The following MBTD1 variants were observed in gnomAD, a reference collection of about 807,000 sequenced individuals.
MBTD1 encodes the protein mbt domain containing 1.
A neutral mutation model predicts 87.8 loss-of-function variants in MBTD1; 24 were observed. The observed-to-expected ratio is 0.27, with a 90% CI of 0.20 to 0.38. MBTD1 has a LOEUF of 0.38. Ranked by LOEUF, MBTD1 falls within the 10% of genes least tolerant of loss-of-function variation. MBTD1 has a pLI of 1.00. For synonymous variants in MBTD1, 237 were observed against 248.6 expected, an observed-to-expected ratio of 0.95 and a Z score of 0.44; for missense variants, 436 against 760.2, an observed-to-expected ratio of 0.57 and a Z score of 5.02.
At chr17:51,252,594 T>C (rs796543663) in intron 2 of MBTD1, among the ~76,000 whole-genome samples, 5 of 151,586 alleles carry the variant, frequency 3.3e-5, no homozygotes, top group African/African-American at 1.2e-4. Context: ...AAATCAGCCA[T>C]GTGTGGTGGT....
At chr17:51,215,615 C>T (rs909359049) in intron 6 of MBTD1, among the ~76,000 whole-genome samples, 1 of 152,120 alleles carries the variant, frequency 6.6e-6, no homozygotes, top group Non-Finnish European at 1.5e-5. Flanking sequence ...TAAAGATTTT[C>T]TTTTTAAAGA....
intron 2 of MBTD1, among the ~76,000 whole-genome samples, chr17:51,227,866 C>T (rs568152812): frequency 1.3e-4 from 20 of 151,358 alleles, no homozygotes; most frequent in African/African-American, 4.6e-4. Flanking sequence ...GCACGAGAAT[C>T]GCTTGAACCC....
At chr17:51,235,245 C>T (rs567067019) in intron 2 of MBTD1, among the ~76,000 whole-genome samples, 4 of 152,112 alleles carry the variant, frequency 2.6e-5, no homozygotes, top group East Asian at 1.9e-4. Flanking sequence ...AAGCTATTCT[C>T]GTGCCTTAGC....
At chr17:51,193,621 A>C in intron 13 of MBTD1, 111 bp from the exon 14 acceptor site, 1 of 679,604 alleles carries the variant, frequency 1.5e-6, no homozygotes, top group Non-Finnish European at 2.6e-6. Flanking sequence ...TTATATGATC[A>C]ACTTTATTTT....
At chr17:51,186,187 C>A (rs1242336032) in intron 16 of MBTD1, 1 of 152,666 alleles carries the variant, frequency 6.6e-6, no homozygotes, top group Non-Finnish European at 1.5e-5. Flanking sequence ...GACAAACTGA[C>A]AGGCTTCTTC....
At chr17:51,252,975 A>G (rs1344846263) in intron 2 of MBTD1, among the ~76,000 whole-genome samples, 1 of 151,982 alleles carries the variant, frequency 6.6e-6, no homozygotes, top group Admixed American at 6.6e-5. Flanking sequence ...GAAAGCTAAA[A>G]GAATGAAAGC....
Position 51,180,515 on chromosome 17 carries a change from T to C in MBTD1, c.*61A>G, listed in dbSNP as rs576580745. On this transcript the variant is annotated 3_prime_UTR_variant, in exon 17 of 17. Coordinates refer to ENST00000586178, the MANE Select transcript of MBTD1 (RefSeq NM_017643.3). ...TAGAGTAGCCCCCTGTACAGCTGGA[T>C]TGATTATAAATCAGTCCTGTGTAAA... The C allele has an allele frequency of 6.0e-4, 465 of 771,614 alleles. 1 individual carries two copies. Among genetic ancestry groups the C allele is most frequent in the South Asian group, 1.5e-3 (94 of 62,952 alleles). 47.8% of individuals were successfully genotyped at this position (771,614 alleles called of 1,614,324 possible). A position where few individuals can be genotyped will look rare whatever the true frequency, so the allele number is the denominator to read the frequency against.
chr17:51,260,902 G>A (rs1427398148), upstream of MBTD1: 5 of 1,593,324 alleles, frequency 3.1e-6, no homozygotes, highest in Non-Finnish European at 2.6e-6. Context: ...AGGACGCGTT[G>A]CTGCGGCGTC....
intron 2 of MBTD1, among the ~76,000 whole-genome samples, chr17:51,246,793 A>G (rs1231255671): frequency 6.7e-6 from 1 of 150,094 alleles, no homozygotes; most frequent in Admixed American, 6.6e-5. Context: ...GTATCACCAC[A>G]CCCAGATAAT....
rs2050215536 is a variant in MBTD1 at position 51,179,500 on chromosome 17, A to ATATATATATT, written c.*1075_*1076insAATATATATA. On this transcript the variant is annotated 3_prime_UTR_variant, in exon 17 of 17. Transcript: ENST00000586178. ...AAGACAATTTTATATATATATATAT[A>ATATATATATT]TATATATATATATATATATATATAT... The ATATATATATT allele has an allele frequency of 5.1e-5, 3 of 58,524 alleles. No homozygotes were observed. Among genetic ancestry groups the ATATATATATT allele is most frequent in the South Asian group, 9.6e-4 (2 of 2,084 alleles). 3.6% of individuals were successfully genotyped at this position (58,524 alleles called of 1,614,324 possible).
intron 5 of MBTD1, among the ~76,000 whole-genome samples, chr17:51,218,519 A>C: frequency 2.3e-5 from 3 of 129,700 alleles, no homozygotes; most frequent in East Asian, 2.3e-4. Context: ...ACAGAGCAAG[A>C]CTCTGTCTCC....
intron 16 of MBTD1, chr17:51,186,104 TC>T (rs1423787578): frequency 1.6e-4 from 25 of 152,596 alleles, no homozygotes; most frequent in Non-Finnish European, 1.3e-4. Flanking sequence ...CTGGAAGGGT[TC>T]GATATGGAGG....
At chr17:51,239,099 CAA>C (rs60345239) in intron 2 of MBTD1, among the ~76,000 whole-genome samples, 1,545 of 142,048 alleles carry the variant, frequency 0.011, 25 homozygotes, top group African/African-American at 0.036. Context: ...GTCTCCATCT[CAA>C]AAAAAAAAAA....
At chr17:51,258,530 G>A (rs573916906) in intron 2 of MBTD1, among the ~76,000 whole-genome samples, 7 of 150,970 alleles carry the variant, frequency 4.6e-5, no homozygotes, top group Non-Finnish European at 8.9e-5. Context: ...AGGAGTAAAA[G>A]CATTTGGAAG....
chr17:51,260,880 T>A (rs767654333), upstream of MBTD1: 1 of 1,600,598 alleles, frequency 6.2e-7, no homozygotes, highest in Admixed American at 1.7e-5. Flanking sequence ...TTCGGCGACG[T>A]CGAGAACGAC....
At chr17:51,206,674 T>C (rs1296067427) in intron 7 of MBTD1, among the ~76,000 whole-genome samples, 1 of 152,182 alleles carries the variant, frequency 6.6e-6, no homozygotes, top group Non-Finnish European at 1.5e-5. Context: ...CATGCTATAA[T>C]GATAGAGACG....
chr17:51,257,881 C>T lies in MBTD1; in HGVS notation c.-49+1262G>A, dbSNP rs759092300. The stretch of plus-strand genomic sequence containing the variant: ...ATGGTTAAAAAGCATGACGCAACAA[C>T]GTAAGGCACTATGAATAAATACTTA... On this transcript the variant is annotated intron_variant, in intron 2 of 16. Coordinates refer to ENST00000586178, the MANE Select transcript of MBTD1 (RefSeq NM_017643.3). Among the ~76,000 whole-genome samples, 3 of 151,912 alleles carry T rather than the reference C, an allele frequency of 2.0e-5. No individual in the cohort carries two copies. The East Asian group carries it at 5.8e-4, about 29-fold the overall frequency.
Position 51,245,182 on chromosome 17 carries a change from G to A in MBTD1, c.-49+13961C>T, listed in dbSNP as rs560975590. On this transcript the variant is annotated intron_variant, in intron 2 of 16. Coordinates refer to ENST00000586178, the MANE Select transcript of MBTD1 (RefSeq NM_017643.3). ...CCCAAAGTGCTGGGATTACAGGCAT[G>A]AGCCACTGTGCCCGGCCCTAGAGGA... 1.1e-3 allele frequency among the ~76,000 whole-genome samples: 171 copies of A among 152,330 alleles called. 1 individual carries two copies. The highest frequency in any genetic ancestry group is 3.7e-3 in the African/African-American group (152 of 41,564).
At chr17:51,222,675 G>A (rs2052978858) in intron 3 of MBTD1, among the ~76,000 whole-genome samples, 1 of 152,140 alleles carries the variant, frequency 6.6e-6, no homozygotes, top group African/African-American at 2.4e-5. Context: ...TAGGATTACA[G>A]GTGTGAGCCA....
Sources: gnomAD v4.1 joint callset for allele counts (sites outside exome capture counted in the v4.1 genomes callset) on GRCh38, gnomAD v4.1.1 for gene constraint, MANE v1.5 for transcripts, NCBI Gene and HGNC (gene_info 2026-07-23, HGNC 2026-07-21) for gene names.